IGF2: variants seen among roughly 807,000 people sequenced by gnomAD.
IGF2 encodes the protein insulin-like growth factor 2.
A neutral mutation model predicts 12.0 loss-of-function variants in IGF2; 2 were observed. That is an observed-to-expected ratio of 0.17 (90% confidence interval 0.07 to 0.52). The LOEUF (loss-of-function observed/expected upper bound fraction) is 0.52. Ranked by LOEUF, IGF2 falls within the 20% of genes least tolerant of loss-of-function variation. IGF2 has a pLI of 0.95. For missense variants in IGF2, 211 were observed against 268.0 expected (o/e 0.79, Z 1.48); for synonymous variants, 105 against 110.1 (o/e 0.95, Z 0.29).
chr11:2,140,058 G>T, upstream of IGF2: 5 of 1,427,412 alleles, frequency 3.5e-6, no homozygotes, highest in Non-Finnish European at 4.7e-6. Context: ...CCGAATCTGG[G>T]CCAGGCTTGG....
intron 1 of IGF2, among the ~76,000 whole-genome samples, chr11:2,135,894 A>C (rs1288405036): frequency 6.6e-6 from 1 of 152,154 alleles, no homozygotes; most frequent in East Asian, 1.9e-4. Context: ...CCTCCGTCCT[A>C]TGACACCATG....
chr11:2,139,750 C>T (rs1859423907), upstream of IGF2, among the ~76,000 whole-genome samples: 1 of 151,754 alleles, frequency 6.6e-6, no homozygotes, highest in African/African-American at 2.4e-5. Context: ...CTGGGGTCTC[C>T]GGGCAGGCAG....
the IGF2 span, chr11:2,147,614 A>C: frequency 1.2e-5 from 15 of 1,239,096 alleles, no homozygotes; most frequent in African/African-American, 1.8e-4. The surrounding 1 kb of genome is among the most constrained non-coding windows in gnomAD (Gnocchi z 7.2). Context: ...TGCCAGCCTC[A>C]GTTCTGGGAG....
Position 2,132,013 on chromosome 11 carries a change from C to T in IGF2, c.*974G>A, listed in dbSNP as rs1374863307. On this transcript the variant is annotated 3_prime_UTR_variant, in exon 4 of 4. Coordinates refer to ENST00000416167, the MANE Select transcript of IGF2 (RefSeq NM_000612.6). ...TGTGCGTTTGTGTGTGTGCTGTGTG[C>T]TCATCTGTGTGCTGTGTGTGCTGTG... is the stretch of plus-strand genomic sequence containing the variant. The T allele has an allele frequency of 1.2e-5, 1 of 83,080 alleles. No individual in the cohort carries two copies. Among genetic ancestry groups the T allele is most frequent in the Non-Finnish European group, 2.2e-5 (1 of 44,578 alleles). The allele number at this position is 83,080 out of a possible 1,614,324, so 5.1% of individuals were successfully genotyped here.
At chr11:2,141,721 A>G (rs1859611427), upstream of IGF2, among the ~76,000 whole-genome samples, 1 of 152,198 alleles carries the variant, frequency 6.6e-6, no homozygotes, top group South Asian at 2.1e-4. Context: ...TAACCTTCAT[A>G]ATTACTGTGG....
At chr11:2,148,145 T>G in the IGF2 span, 1 of 244,060 alleles carries the variant, frequency 4.1e-6, no homozygotes, top group Non-Finnish European at 7.8e-6. This position sits in a 1 kb window ranked among gnomAD's most constrained non-coding sequence, Gnocchi z 4.3. Flanking sequence ...TGCACACGAA[T>G]GGCCCGCCTT....
chr11:2,133,260 C>T lies in IGF2; in HGVS notation c.307-37G>A, dbSNP rs1358671034. On this transcript the variant is annotated intron_variant, in intron 3 of 3. Transcript: ENST00000416167. This position sits in a 1 kb window ranked among gnomAD's most constrained non-coding sequence, Gnocchi z 8.9. ...AGGGGCTGGTCAGCAGGTGCCTGCT[C>T]TCCACGCTCTTCCGCCTGAGCCGCC... 1 of 1,383,170 alleles carries T rather than the reference C, an allele frequency of 7.2e-7. No homozygotes were observed. Among genetic ancestry groups the T allele is most frequent in the Non-Finnish European group, 9.9e-7 (1 of 1,014,812 alleles). The allele number at this position is 1,383,170 out of a possible 1,614,324, so 85.7% of individuals were successfully genotyped here.
upstream of IGF2, chr11:2,140,041 C>T (rs1859451171): frequency 1.5e-6 from 2 of 1,292,184 alleles, no homozygotes; most frequent in Non-Finnish European, 2.1e-6. Context: ...AGGCCGGCTG[C>T]GCCGGGCCGA....
chr11:2,131,475 G>A lies in IGF2; in HGVS notation c.*1512C>T, dbSNP rs920730056. ...GCAGGTGGGTGCTTGCGTGTGCAAC[G>A]TGTGTGCTGCGTGTTTGTGTGCTGT... is the stretch of plus-strand genomic sequence containing the variant. On this transcript the variant is annotated 3_prime_UTR_variant, in exon 4 of 4. Coordinates refer to ENST00000416167, the MANE Select transcript of IGF2 (RefSeq NM_000612.6). The A allele has an allele frequency of 1.2e-4, 27 of 231,614 alleles. No homozygotes were observed. Among genetic ancestry groups the A allele is most frequent in the East Asian group, 3.6e-4 (6 of 16,502 alleles). The allele number at this position is 231,614 out of a possible 1,614,324, so 14.3% of individuals were successfully genotyped here.
intron 1 of IGF2, among the ~76,000 whole-genome samples, chr11:2,135,989 G>A (rs1015620852): frequency 1.3e-5 from 2 of 152,126 alleles, no homozygotes; most frequent in South Asian, 2.1e-4. Context: ...CCCCTACAGA[G>A]CATGTGCATC....
intron 1 of IGF2, among the ~76,000 whole-genome samples, 151 bp downstream of exon 1, chr11:2,138,072 GTCCTCC>G (rs559348953): frequency 1.3e-3 from 196 of 149,896 alleles, no homozygotes; most frequent in Admixed American, 2.0e-3. Context: ...GCAGCCGTCC[GTCCTCC>G]TCCTCCTCCT....
At chr11:2,137,025 G>A (rs1278004676) in intron 1 of IGF2, among the ~76,000 whole-genome samples, 1 of 152,228 alleles carries the variant, frequency 6.6e-6, no homozygotes, top group African/African-American at 2.4e-5. Flanking sequence ...GAGACCAGGT[G>A]GGGGCAGGGG....
the IGF2 span, chr11:2,149,069 C>A: frequency 4.6e-6 from 7 of 1,533,426 alleles, no homozygotes; most frequent in African/African-American, 9.6e-5. Flanking sequence ...CCCACCCACG[C>A]CTGAACACTT....
Position 2,132,995 on chromosome 11 carries a change from G to C in IGF2, c.535C>G (p.Arg179Gly), listed in dbSNP as rs1014211286. The change falls in exon 4 of 4, where the codon CGG becomes GGG. Residue 179 changes from arginine (R) to glycine (G), a missense_variant. Arg to Gly is a moderately radical substitution (Grantham distance 125, BLOSUM62 -2). Transcript: ENST00000416167. ...GGAPPEMASN[R>G]K is the part of the protein sequence containing the mutation. ...ACTTGCGGCAGTTTTGCTCACTTCC[G>C]ATTGCTGGCCATCTCTGGGGGGGCG... 1.3e-6 allele frequency: 2 copies of C among 1,527,938 alleles called. No individual in the cohort carries two copies. The highest frequency in any genetic ancestry group is 1.3e-5 in the South Asian group (1 of 78,954). 94.6% of individuals were successfully genotyped at this position (1,527,938 alleles called of 1,614,324 possible).
Position 2,135,531 on chromosome 11 carries a change from TG to T in IGF2, c.-6-3del. ...CCCCATTGGGATTCCCATTGGTGTC[TG>T]GGGGCGGGAGAGAAGTGGCGTGAGC... On this transcript the variant is annotated splice_region_variant and splice_polypyrimidine_tract_variant and intron_variant, in intron 1 of 3. Coordinates refer to ENST00000416167, the MANE Select transcript of IGF2 (RefSeq NM_000612.6). The T allele has an allele frequency of 1.9e-6, 3 of 1,612,120 alleles. No homozygotes were observed. Among genetic ancestry groups the T allele is most frequent in the Non-Finnish European group, 2.5e-6 (3 of 1,179,018 alleles).
Position 2,133,476 on chromosome 11 carries a change from C to T in IGF2, c.306+41G>A. On this transcript the variant is annotated intron_variant, in intron 3 of 3. Coordinates refer to ENST00000416167, the MANE Select transcript of IGF2 (RefSeq NM_000612.6). The surrounding 1 kb of genome is among the most constrained non-coding windows in gnomAD (Gnocchi z 8.9). Reference sequence around the variant, plus strand: ...ACGCTGGGCGCCCGAAGCCCTATTTCTCTGTCTCTAGAGAGTGGGAAAGGG... The same window carrying T: ...ACGCTGGGCGCCCGAAGCCCTATTTTTCTGTCTCTAGAGAGTGGGAAAGGG... The T allele has an allele frequency of 4.5e-6, 7 of 1,565,130 alleles. No homozygotes were observed. The highest frequency in any genetic ancestry group is 6.0e-6 in the Non-Finnish European group (7 of 1,157,204).
At chr11:2,149,286 C>A in the IGF2 span, 1 of 1,613,614 alleles carries the variant, frequency 6.2e-7, no homozygotes, top group East Asian at 2.2e-5. Flanking sequence ...GGTGCCCTGG[C>A]TGTGGCGTCC....
At chr11:2,146,875 C>G in the IGF2 span, 1 of 162,678 alleles carries the variant, frequency 6.1e-6, no homozygotes, top group Non-Finnish European at 1.3e-5. Context: ...ACAGAGCTCC[C>G]TCTGGCTGAG....
intron 1 of IGF2, among the ~76,000 whole-genome samples, 159 bp downstream of exon 1, chr11:2,138,070 C>G (rs1427351237): frequency 6.6e-6 from 1 of 151,412 alleles, no homozygotes; most frequent in Non-Finnish European, 1.5e-5. Flanking sequence ...CCGCAGCCGT[C>G]CGTCCTCCTC....
Sources: allele counts gnomAD v4.1 joint callset (sites outside exome capture counted in the v4.1 genomes callset), GRCh38; gene constraint gnomAD v4.1.1; non-coding constraint Gnocchi (gnomAD v3.1); transcripts MANE v1.5; gene names NCBI Gene and HGNC (gene_info 2026-07-23, HGNC 2026-07-21).